SLC9A4: variants seen among roughly 807,000 people sequenced by gnomAD.
The protein encoded by SLC9A4 is solute carrier family 9 member A4, also known as sodium/hydrogen exchanger 4.
In SLC9A4, 63 loss-of-function variants were observed where a neutral mutation model predicts 67.4. The ratio of observed to expected loss-of-function variants is 0.93; its 90% CI spans 0.76 to 1.15. SLC9A4 has a LOEUF of 1.15. Among genes scored for constraint, SLC9A4 ranks in the 50% most tolerant of loss-of-function variants. The pLI is 0.00. For synonymous variants in SLC9A4, 393 were observed against 367.2 expected (o/e 1.07, Z -0.80); for missense variants, 1,089 against 987.7 (o/e 1.10, Z -1.38).
intron 1 of SLC9A4, among the ~76,000 whole-genome samples, chr2:102,477,827 C>A (rs1437222556): frequency 2.0e-5 from 3 of 152,144 alleles, no homozygotes; most frequent in Non-Finnish European, 4.4e-5. Flanking sequence ...GGGAGACAGA[C>A]TTGGAGAGAG....
chr2:102,512,080 A>C (rs948614734), intron 6 of SLC9A4, 123 bp from the exon 7 acceptor site: 40 of 940,500 alleles, frequency 4.3e-5, no homozygotes, highest in Non-Finnish European at 6.1e-5. Flanking sequence ...ACACAGTGAT[A>C]GAAAGTCAGA....
chr2:102,526,503 A>C (rs904013855), intron 11 of SLC9A4, among the ~76,000 whole-genome samples, 157 bp downstream of exon 11: 21 of 152,242 alleles, frequency 1.4e-4, no homozygotes, highest in African/African-American at 4.8e-4. Flanking sequence ...GAAACTCGGA[A>C]CTTTGTTTAT....
In SLC9A4 at chr2:102,485,487, G is replaced by A. The variant is rs77912386; in HGVS notation, c.720+6185G>A. ...TCCCTCATGCTAGAATTCCTTTGCC[G>A]TCTTCTCTTCTCATCTGTCTGTCCC... is the stretch of plus-strand genomic sequence containing the variant. On this transcript the variant is annotated intron_variant, in intron 2 of 11. Transcript: ENST00000295269. 7.2e-5 allele frequency among the ~76,000 whole-genome samples: 11 copies of A among 152,218 alleles called. No homozygotes were observed. In the South Asian group the frequency reaches 1.2e-3, roughly 17 times the overall value.
At chr2:102,483,183 C>T (rs1012466960) in intron 2 of SLC9A4, among the ~76,000 whole-genome samples, 19 of 152,282 alleles carry the variant, frequency 1.2e-4, no homozygotes, top group Admixed American at 9.8e-4. Context: ...GCGTTGGCTC[C>T]GTGGGGTTGT....
intron 2 of SLC9A4, among the ~76,000 whole-genome samples, chr2:102,479,719 T>A (rs775850703): frequency 3.9e-5 from 6 of 152,236 alleles, no homozygotes; most frequent in Non-Finnish European, 7.3e-5. Flanking sequence ...TGTTTTGTTT[T>A]TAACATACCA....
rs539429040 is a variant in SLC9A4 at position 102,488,768 on chromosome 2, C to T, written c.720+9466C>T. Among the ~76,000 whole-genome samples the T allele has an allele frequency of 7.2e-5, 11 of 152,152 alleles. No individual in the cohort carries two copies. The South Asian group carries it at 1.5e-3, about 20-fold the overall frequency. On this transcript the variant is annotated intron_variant, in intron 2 of 11. Transcript: ENST00000295269. Reference sequence around the variant, plus strand: ...TTCACCGTGCTAGCCAGGATGGTCTCGATCTCCTGACCTTGTGATCCACCC... The same window carrying T: ...TTCACCGTGCTAGCCAGGATGGTCTTGATCTCCTGACCTTGTGATCCACCC...
At chr2:102,480,152 A>T (rs1048618443) in intron 2 of SLC9A4, among the ~76,000 whole-genome samples, 1 of 152,192 alleles carries the variant, frequency 6.6e-6, no homozygotes, top group Non-Finnish European at 1.5e-5. Flanking sequence ...AGCATGAAAC[A>T]CAAAAACTTC....
chr2:102,521,253 A>G (rs1685411413), intron 9 of SLC9A4, among the ~76,000 whole-genome samples: 1 of 152,178 alleles, frequency 6.6e-6, no homozygotes, highest in African/African-American at 2.4e-5. Context: ...AGTCTCAAAT[A>G]AGGTCAACTG....
Position 102,473,638 on chromosome 2 carries a change from C to T in SLC9A4, c.-122C>T, listed in dbSNP as rs1573321172. The stretch of plus-strand genomic sequence containing the variant: ...ACACTCGGAATCTTCTTGGGAGGAC[C>T]CACAGACTGTACCTATATTACTTTT... On this transcript the variant is annotated 5_prime_UTR_variant, in exon 1 of 12. Coordinates refer to ENST00000295269, the MANE Select transcript of SLC9A4 (RefSeq NM_001011552.4). The T allele has an allele frequency of 8.1e-6, 10 of 1,238,296 alleles. No individual in the cohort carries two copies. In the South Asian group the frequency reaches 1.3e-4, roughly 16 times the overall value. The allele number at this position is 1,238,296 out of a possible 1,614,324, so 76.7% of individuals were successfully genotyped here. A position where few individuals can be genotyped will look rare whatever the true frequency, so the allele number is the denominator to read the frequency against.
Position 102,519,950 on chromosome 2 carries a change from C to T in SLC9A4, c.1813C>T (p.Gln605Ter), listed in dbSNP as rs1237115279. 3 of 1,613,316 alleles carry T rather than the reference C, an allele frequency of 1.9e-6. No individual in the cohort carries two copies. Among genetic ancestry groups the T allele is most frequent in the Non-Finnish European group, 2.5e-6 (3 of 1,179,508 alleles). ...GACATCCAACATGTACCAAGTTCGG[C>T]AAAGGGTGTGTATGAGCCACCTGTG... is the stretch of plus-strand genomic sequence containing the variant. Reference protein sequence around the residue: ...ILTSNMYQVRQRTLSYNKYNL... With the variant: ...ILTSNMYQVR The change falls in exon 9 of 12, where the codon CAA becomes TAA. Residue 605 changes from glutamine (Q) to a stop codon, truncating the protein, a stop_gained. Coordinates refer to ENST00000295269, the MANE Select transcript of SLC9A4 (RefSeq NM_001011552.4). LOFTEE classifies it high-confidence loss of function.
chr2:102,475,404 A>C (rs1684309763), intron 1 of SLC9A4, among the ~76,000 whole-genome samples: 1 of 152,196 alleles, frequency 6.6e-6, no homozygotes, highest in Non-Finnish European at 1.5e-5. Context: ...AGTACCAGGA[A>C]ACTCGTCCTG....
At chr2:102,502,511 A>C (rs960852792) in intron 2 of SLC9A4, among the ~76,000 whole-genome samples, 1 of 152,250 alleles carries the variant, frequency 6.6e-6, no homozygotes, top group Non-Finnish European at 1.5e-5. Flanking sequence ...ATAAGATATA[A>C]GGAAACTCTC....
At chr2:102,515,260 T>C (rs1685252851) in intron 8 of SLC9A4, among the ~76,000 whole-genome samples, 2 of 151,838 alleles carry the variant, frequency 1.3e-5, no homozygotes, top group African/African-American at 4.8e-5. Context: ...TTTGTCTCTA[T>C]TGCCTGAGTG....
chr2:102,503,010 C>G (rs989033946), intron 2 of SLC9A4, among the ~76,000 whole-genome samples: 15 of 152,214 alleles, frequency 9.9e-5, no homozygotes, highest in African/African-American at 3.6e-4. Context: ...CCCACAGGCC[C>G]CAGAAAAACT....
Position 102,517,987 on chromosome 2 carries a change from G to C in SLC9A4, c.1722-1872G>C, listed in dbSNP as rs563209656. On this transcript the variant is annotated intron_variant, in intron 8 of 11. Transcript: ENST00000295269. ...GTGTTTGTGCTGTGAGTATTTCAGG[G>C]ACGATTTTGCTAATGAAGTGGCATG... Among the ~76,000 whole-genome samples the C allele has an allele frequency of 2.6e-5, 4 of 152,286 alleles. No homozygotes were observed. In the South Asian group the frequency reaches 8.3e-4, roughly 32 times the overall value.
intron 8 of SLC9A4, among the ~76,000 whole-genome samples, chr2:102,518,740 G>A (rs1685331417): frequency 1.3e-5 from 2 of 152,036 alleles, no homozygotes; most frequent in South Asian, 4.1e-4. Flanking sequence ...TTAAAAGGTG[G>A]CCTGTATTAA....
rs749865435 is a variant in SLC9A4, at chr2:102,505,466, C to A, written c.1193C>A (p.Ala398Asp). Residue 398 changes from alanine to aspartate, a missense_variant, in exon 4 of 12, where the codon GCC (alanine) becomes GAC (aspartate). By Grantham distance (126) the Ala-to-Asp change is moderately radical (BLOSUM62 -2). Transcript: ENST00000295269. Reference sequence around the variant, plus strand: ...CTGGCCTTCTGCCAAATCTGGAGAGCCATCAGTAAGAGACGGCAGGGCTCC... The same window carrying A: ...CTGGCCTTCTGCCAAATCTGGAGAGACATCAGTAAGAGACGGCAGGGCTCC... The part of the protein sequence containing the change: ...FTLAFCQIWR[A>D]ISVFALFYIS... 32 of 1,613,740 alleles carry A rather than the reference C, an allele frequency of 2.0e-5. No individual in the cohort carries two copies. Among genetic ancestry groups the A allele is most frequent in the Non-Finnish European group, 2.7e-5 (32 of 1,180,010 alleles).
intron 2 of SLC9A4, among the ~76,000 whole-genome samples, chr2:102,499,779 T>C (rs998977110): frequency 2.0e-5 from 3 of 152,182 alleles, no homozygotes; most frequent in African/African-American, 7.2e-5. Context: ...TGGCTACTGG[T>C]TACTTATTAC....
chr2:102,509,167 G>A (rs1243299193), intron 6 of SLC9A4, among the ~76,000 whole-genome samples: 1 of 152,194 alleles, frequency 6.6e-6, no homozygotes, highest in Non-Finnish European at 1.5e-5. Flanking sequence ...AGTTGTTGCA[G>A]GGCTGCGCTC....
Sources: allele counts gnomAD v4.1 joint callset (sites outside exome capture counted in the v4.1 genomes callset), GRCh38; gene constraint gnomAD v4.1.1; transcripts MANE v1.5; gene names NCBI Gene and HGNC (gene_info 2026-07-23, HGNC 2026-07-21).